Variants in IL26 observed in about 807,000 individuals in gnomAD.
IL26 encodes interleukin-26.
IL26 carries 23 observed loss-of-function variants against 21.7 expected under a neutral mutation model. The ratio of observed to expected loss-of-function variants is 1.06; its 90% CI spans 0.76 to 1.50. The LOEUF is 1.50. IL26 is among the 40% of genes most tolerant of loss of function. The pLI is 0.00. For missense variants in IL26, 204 were observed against 196.0 expected, an observed-to-expected ratio of 1.04 and a Z score of -0.24; for synonymous variants, 63 against 67.8, an observed-to-expected ratio of 0.93 and a Z score of 0.34.
chr12:68,215,964 A>G (rs11570932), intron 3 of IL26, among the ~76,000 whole-genome samples: 15,420 of 149,324 alleles, frequency 0.1, 865 homozygotes, highest in Admixed American at 0.12. Context: ...GATTACAGGC[A>G]TGAGCCACCA....
chr12:68,223,196 C>T (rs12372657), intron 3 of IL26, among the ~76,000 whole-genome samples: 579 of 152,308 alleles, frequency 3.8e-3, no homozygotes, highest in Non-Finnish European at 5.2e-3. Context: ...AACTGCACAG[C>T]TTGTAAGACA....
At position 68,225,155 on chromosome 12, in the gene IL26, G is replaced by A; in HGVS notation, c.357C>T (p.Ser119=). The change falls in exon 3 of 5, where the codon AGC becomes AGT. Residue 119 remains serine (S), a synonymous_variant. Transcript: ENST00000229134. ...EDFHSLRQKL[S]HCISCASSAR... Reference sequence around the variant, plus strand: ...ATTTGTTGTGTATACTTACACAGTGGCTCAATTTCTGCCTAAGGCTATGAA... The same window carrying A: ...ATTTGTTGTGTATACTTACACAGTGACTCAATTTCTGCCTAAGGCTATGAA... The A allele has an allele frequency of 3.7e-6, 6 of 1,608,752 alleles. No homozygotes were observed. The highest frequency in any genetic ancestry group is 5.1e-6 in the Non-Finnish European group (6 of 1,178,338).
intron 3 of IL26, among the ~76,000 whole-genome samples, chr12:68,223,719 A>G (rs1869130005): frequency 6.6e-6 from 1 of 152,144 alleles, no homozygotes; most frequent in Non-Finnish European, 1.5e-5. Context: ...TGGCCCAGAG[A>G]ATTCTCCCTG....
rs1335687975 is a variant in IL26 at position 68,206,506 on chromosome 12, C to T, written c.364-4423G>A. 2.0e-5 allele frequency among the ~76,000 whole-genome samples: 3 copies of T among 152,096 alleles called. No individual in the cohort carries two copies. The East Asian group carries it at 5.8e-4, about 29-fold the overall frequency. On this transcript the variant is annotated intron_variant, in intron 3 of 4. Coordinates refer to ENST00000229134, the MANE Select transcript of IL26 (RefSeq NM_018402.2). ...ACTTCCTGACTTCAGGAACAAAGCA[C>T]CAATGGAACCAATCCATAAAAAAAT... is the stretch of plus-strand genomic sequence containing the variant.
At chr12:68,204,251 C>G (rs1868470493) in intron 3 of IL26, among the ~76,000 whole-genome samples, 1 of 150,036 alleles carries the variant, frequency 6.7e-6, no homozygotes, top group South Asian at 2.1e-4. Context: ...TCACGCCATT[C>G]CCCTGCCTCA....
intron 3 of IL26, among the ~76,000 whole-genome samples, chr12:68,223,884 G>GGTT (rs1555189762): frequency 1.5e-5 from 2 of 132,272 alleles, no homozygotes; most frequent in Non-Finnish European, 3.2e-5. Flanking sequence ...AAATTTGGTG[G>GGTT]TTTTTTTTTT....
At position 68,201,686 on chromosome 12, in the gene IL26, G is replaced by T. The variant is rs79293173; in HGVS notation, c.*159C>A. The T allele has an allele frequency of 9.8e-3, 4,656 of 477,356 alleles. 172 individuals are homozygous for T. The highest frequency in any genetic ancestry group is 0.088 in the East Asian group (2,666 of 30,424). 29.6% of individuals were successfully genotyped at this position (477,356 alleles called of 1,614,324 possible). ...ATTAGTGACAACTTATATCCAAAAC[G>T]TTAATTTACTAAATCCTTCTTGTCT... On this transcript the variant is annotated 3_prime_UTR_variant, in exon 5 of 5. Coordinates refer to ENST00000229134, the MANE Select transcript of IL26 (RefSeq NM_018402.2).
At chr12:68,213,081 T>C (rs992691609) in intron 3 of IL26, among the ~76,000 whole-genome samples, 3 of 152,054 alleles carry the variant, frequency 2.0e-5, no homozygotes, top group African/African-American at 7.2e-5. Context: ...CTGTTAAGGG[T>C]TTTTATCATA....
Position 68,225,497 on chromosome 12 carries a change from C to A in IL26, c.175G>T (p.Asp59Tyr). Residue 59 changes from aspartate (D) to tyrosine (Y), a missense_variant, in exon 2 of 5, where the codon GAC (aspartate) becomes TAC (tyrosine). By Grantham distance (160) the Asp-to-Tyr change is radical (BLOSUM62 -3). Coordinates refer to ENST00000229134, the MANE Select transcript of IL26 (RefSeq NM_018402.2). ...AATAATCGTATATTTTTTATGCGGTCTTCCTACAATAATACAAAGAGAAAT... is the reference window on the plus strand; with the variant it reads ...AATAATCGTATATTTTTTATGCGGTATTCCTACAATAATACAAAGAGAAAT... Reference protein sequence around the residue: ...AAWLKATIPEDRIKNIRLLKK... With the variant: ...AAWLKATIPEYRIKNIRLLKK... The A allele has an allele frequency of 6.3e-7, 1 of 1,596,892 alleles. No individual in the cohort carries two copies. The highest frequency in any genetic ancestry group is 1.1e-5 in the South Asian group (1 of 90,142).
At chr12:68,218,548 G>GA (rs11570928) in intron 3 of IL26, among the ~76,000 whole-genome samples, 11,007 of 151,938 alleles carry the variant, frequency 0.072, 518 homozygotes, top group Admixed American at 0.11. Context: ...AAAAGACTGG[G>GA]AAAAAACAAC....
At chr12:68,208,514 T>C (rs1417855806) in intron 3 of IL26, among the ~76,000 whole-genome samples, 1 of 152,110 alleles carries the variant, frequency 6.6e-6, no homozygotes, top group South Asian at 2.1e-4. Flanking sequence ...TTCTTTTTTC[T>C]TGAGACGGAG....
Position 68,225,274 on chromosome 12 carries a change from GAC to G in IL26, c.236_237del (p.Cys79SerfsTer34), listed in dbSNP as rs1403539667. On this transcript the variant is annotated frameshift_variant, in exon 3 of 5. Coordinates refer to ENST00000229134, the MANE Select transcript of IL26 (RefSeq NM_018402.2). LOFTEE classifies it high-confidence loss of function. ...AAGGACAGAAGCTGTTCTTGAAATTGACAGTTTTTCTAAAAATAAGATACAAG... is the reference window on the plus strand; with the variant it reads ...AAGGACAGAAGCTGTTCTTGAAATTGAGTTTTTCTAAAAATAAGATACAAG... ...KKTKKQFMKN[C>X]QFQEQLLSFF... 1.2e-6 allele frequency: 2 copies of G among 1,604,178 alleles called. No homozygotes were observed. The highest frequency in any genetic ancestry group is 1.7e-6 in the Non-Finnish European group (2 of 1,176,686).
At chr12:68,215,882 C>G (rs1234403588) in intron 3 of IL26, among the ~76,000 whole-genome samples, 1 of 151,596 alleles carries the variant, frequency 6.6e-6, no homozygotes, top group Non-Finnish European at 1.5e-5. Context: ...CAGGGTTTCA[C>G]TATGTTGGCC....
intron 3 of IL26, among the ~76,000 whole-genome samples, chr12:68,207,113 C>G (rs1227017337): frequency 6.6e-6 from 1 of 152,178 alleles, no homozygotes; most frequent in Non-Finnish European, 1.5e-5. Flanking sequence ...AAAGGTGTTT[C>G]TGGAAAAGTG....
At chr12:68,225,527 T>G in intron 1 of IL26, 27 bp from the exon 2 acceptor site, 1 of 1,600,846 alleles carries the variant, frequency 6.2e-7, no homozygotes, top group Non-Finnish European at 8.6e-7. Context: ...AGAAATAAGT[T>G]GTATCCAAGA....
At chr12:68,207,244 G>A (rs1868568863) in intron 3 of IL26, among the ~76,000 whole-genome samples, 1 of 152,088 alleles carries the variant, frequency 6.6e-6, no homozygotes, top group Non-Finnish European at 1.5e-5. Context: ...CTCACTCTGT[G>A]GTACATATCA....
chr12:68,217,059 G>A (rs1361736028), intron 3 of IL26, among the ~76,000 whole-genome samples: 6 of 136,994 alleles, frequency 4.4e-5, no homozygotes. Flanking sequence ...CTAGGAAAGA[G>A]TATAAACATA....
chr12:68,207,627 T>C lies in IL26; in HGVS notation c.364-5544A>G, dbSNP rs190249231. Reference sequence around the variant, plus strand: ...GTTTGTCTCTACTCACATTACTCATTGGTAATGTGCAATTTACATGCAATT... The same window carrying C: ...GTTTGTCTCTACTCACATTACTCATCGGTAATGTGCAATTTACATGCAATT... On this transcript the variant is annotated intron_variant, in intron 3 of 4. Coordinates refer to ENST00000229134, the MANE Select transcript of IL26 (RefSeq NM_018402.2). 5.3e-5 allele frequency among the ~76,000 whole-genome samples: 8 copies of C among 152,308 alleles called. No individual in the cohort carries two copies. The East Asian group carries it at 1.4e-3, about 26-fold the overall frequency.
At chr12:68,218,485 C>T (rs535047003) in intron 3 of IL26, among the ~76,000 whole-genome samples, 24 of 151,930 alleles carry the variant, frequency 1.6e-4, no homozygotes, top group Middle Eastern at 6.8e-3. Flanking sequence ...ACAAAAGAAA[C>T]GATTAGTGAT....
Sources: allele counts gnomAD v4.1 joint callset (sites outside exome capture counted in the v4.1 genomes callset), GRCh38; gene constraint gnomAD v4.1.1; transcripts MANE v1.5; gene names NCBI Gene and HGNC (gene_info 2026-07-23, HGNC 2026-07-21).